The following BAZ2B variants were observed in gnomAD, a reference collection of about 807,000 sequenced individuals.
BAZ2B encodes the protein bromodomain adjacent to zinc finger domain 2B, also known as bromodomain adjacent to zinc finger domain protein 2B.
BAZ2B carries 91 observed loss-of-function variants against 246.0 expected under a neutral mutation model. The ratio of observed to expected loss-of-function variants is 0.37; its 90% confidence interval spans 0.31 to 0.44. The LOEUF is 0.44. Ranked by LOEUF, BAZ2B falls within the 20% of genes least tolerant of loss-of-function variation. The pLI is 1.00. For missense variants in BAZ2B, 2,332 were observed against 2,533.7 expected (o/e 0.92, Z 1.71); for synonymous variants, 855 against 860.0 (o/e 0.99, Z 0.10).
intron 4 of BAZ2B, among the ~76,000 whole-genome samples, chr2:159,453,215 T>C (rs946166175): frequency 6.6e-6 from 1 of 152,172 alleles, no homozygotes; most frequent in Non-Finnish European, 1.5e-5. Flanking sequence ...AAAATACTCA[T>C]AAAACCTGAA....
At chr2:159,408,550 A>C (rs1283415689) in intron 14 of BAZ2B, among the ~76,000 whole-genome samples, 1 of 152,234 alleles carries the variant, frequency 6.6e-6, no homozygotes, top group Non-Finnish European at 1.5e-5. Context: ...AGAAATATAA[A>C]ATTTTAACTA....
At chr2:159,488,671 T>C (rs2080111342) in intron 2 of BAZ2B, among the ~76,000 whole-genome samples, 1 of 152,206 alleles carries the variant, frequency 6.6e-6, no homozygotes, top group African/African-American at 2.4e-5. Context: ...TAAAAAATAT[T>C]ACACAAAAAT....
At chr2:159,531,545 T>C (rs2085382356) in intron 2 of BAZ2B, among the ~76,000 whole-genome samples, 1 of 152,228 alleles carries the variant, frequency 6.6e-6, no homozygotes, top group South Asian at 2.1e-4. Flanking sequence ...GAATAAAAGC[T>C]GAGAACAATT....
chr2:159,462,130 T>A (rs1577315482), intron 3 of BAZ2B: 1 of 314,928 alleles, frequency 3.2e-6, no homozygotes, highest in East Asian at 8.4e-5. Flanking sequence ...CTAGGATAGA[T>A]CTCTCTCTCC....
chr2:159,450,378 G>GAAAAAAAAAAAAAAAAAA, intron 4 of BAZ2B, among the ~76,000 whole-genome samples: 1 of 125,816 alleles, frequency 7.9e-6, no homozygotes, highest in Non-Finnish European at 1.6e-5. Flanking sequence ...CTCTCTCAAA[G>GAAAAAAAAAAAAAAAAAA]AAAAAAAAAA....
At chr2:159,424,827 G>T (rs952912967) in intron 13 of BAZ2B, among the ~76,000 whole-genome samples, 4 of 152,136 alleles carry the variant, frequency 2.6e-5, no homozygotes, top group Non-Finnish European at 4.4e-5. Flanking sequence ...CAATGTAAAT[G>T]TTATGCAAAT....
the BAZ2B span, among the ~76,000 whole-genome samples, chr2:159,697,084 C>T: frequency 1.3e-5 from 2 of 152,004 alleles, no homozygotes; most frequent in African/African-American, 4.8e-5. Flanking sequence ...CTGTGCCCAG[C>T]CTGGTTATGT....
downstream of BAZ2B, among the ~76,000 whole-genome samples, chr2:159,315,876 T>C (rs1200451319): frequency 6.6e-6 from 1 of 152,160 alleles, no homozygotes; most frequent in Non-Finnish European, 1.5e-5. Context: ...TCTAGAGGAA[T>C]TTGTAAGTAA....
chr2:159,333,688 A>C (rs184156652), intron 33 of BAZ2B, among the ~76,000 whole-genome samples: 130 of 152,286 alleles, frequency 8.5e-4, no homozygotes, highest in Non-Finnish European at 1.3e-3. Context: ...TCTTAAAAAC[A>C]AAATAGCTTA....
At chr2:159,485,779 C>T (rs142500619) in intron 2 of BAZ2B, among the ~76,000 whole-genome samples, 1 of 152,104 alleles carries the variant, frequency 6.6e-6, no homozygotes, top group African/African-American at 2.4e-5. Flanking sequence ...CCATTTTGTC[C>T]TTATCATTCT....
chr2:159,454,292 C>T (rs2150482230), intron 3 of BAZ2B, among the ~76,000 whole-genome samples: 2 of 152,288 alleles, frequency 1.3e-5, no homozygotes, highest in Admixed American at 1.3e-4. Context: ...AGAGTTGAAG[C>T]TCTGTTCTCT....
intron 3 of BAZ2B, chr2:159,462,530 G>T: frequency 1.1e-6 from 1 of 940,896 alleles, no homozygotes; most frequent in Non-Finnish European, 1.8e-6. Context: ...TTCACTAATT[G>T]CTGTCTGATA....
chr2:159,593,137 G>T (rs944973842), intron 1 of BAZ2B, among the ~76,000 whole-genome samples: 5 of 152,152 alleles, frequency 3.3e-5, no homozygotes, highest in Non-Finnish European at 4.4e-5. Flanking sequence ...GAAAATACAT[G>T]TTCACTTAAT....
chr2:159,481,759 C>T (rs2079257491), intron 2 of BAZ2B, among the ~76,000 whole-genome samples: 1 of 150,176 alleles, frequency 6.7e-6, no homozygotes, highest in Non-Finnish European at 1.5e-5. Context: ...GACTGGTATT[C>T]ATCAAAAGTG....
chr2:159,630,248 A>G, the BAZ2B span, among the ~76,000 whole-genome samples: 1 of 152,236 alleles, frequency 6.6e-6, no homozygotes, highest in Non-Finnish European at 1.5e-5. Context: ...GCTTGAGCCC[A>G]GGAGTTCAAG....
intron 19 of BAZ2B, chr2:159,396,353 T>A (rs1314652070): frequency 1.3e-5 from 2 of 152,340 alleles, no homozygotes; most frequent in South Asian, 4.1e-4. Flanking sequence ...AAGCCACCAA[T>A]AAATTAGAGT....
chr2:159,637,270 G>A, the BAZ2B span, among the ~76,000 whole-genome samples: 3 of 152,316 alleles, frequency 2.0e-5, no homozygotes, highest in South Asian at 6.2e-4. Flanking sequence ...CTAGGCTCTT[G>A]GACAGAATTT....
At chr2:159,472,389 C>T (rs1218075105) in intron 3 of BAZ2B, among the ~76,000 whole-genome samples, 1 of 152,194 alleles carries the variant, frequency 6.6e-6, no homozygotes, top group Admixed American at 6.5e-5. Flanking sequence ...CATCTGCAAA[C>T]AGAGACAATT....
intron 2 of BAZ2B, among the ~76,000 whole-genome samples, chr2:159,517,234 C>G (rs1247291115): frequency 6.6e-6 from 1 of 151,830 alleles, no homozygotes; most frequent in Non-Finnish European, 1.5e-5. Flanking sequence ...GAAAACAAAA[C>G]AAAATATTTA....
Sources: gnomAD v4.1 joint callset for allele counts (sites outside exome capture counted in the v4.1 genomes callset) on GRCh38, gnomAD v4.1.1 for gene constraint, MANE v1.5 for transcripts, NCBI Gene and HGNC (gene_info 2026-07-23, HGNC 2026-07-21) for gene names.